PRH1: variants seen among roughly 807,000 people sequenced by gnomAD.
PRH1 encodes proline rich protein HaeIII subfamily 1.
In PRH1, 7 loss-of-function variants were observed where a neutral mutation model predicts 7.9. That is an observed-to-expected ratio of 0.89 (90% CI 0.50 to 1.67). The LOEUF is 1.67. Ranked by LOEUF, PRH1 falls within the 40% of genes most tolerant of loss-of-function variation. PRH1 has a pLI of 0.00. For missense variants in PRH1, 109 were observed against 223.6 expected, an observed-to-expected ratio of 0.49 and a Z score of 3.27; for synonymous variants, 45 against 80.8, an observed-to-expected ratio of 0.56 and a Z score of 2.38.
chr12:10,919,939 C>G (rs1299247282), intron 2 of PRH1, among the ~76,000 whole-genome samples: 1 of 141,644 alleles, frequency 7.1e-6, no homozygotes. Flanking sequence ...GAGTCTTGCT[C>G]TGTAGCCCAG....
intron 1 of PRH1, among the ~76,000 whole-genome samples, chr12:11,072,637 T>C (rs1944126144): frequency 6.6e-6 from 1 of 152,228 alleles, no homozygotes; most frequent in African/African-American, 2.4e-5. Context: ...CTAAATGGCC[T>C]CTACCAAAAT....
intron 1 of PRH1, among the ~76,000 whole-genome samples, chr12:11,039,591 C>T (rs1942615938): frequency 6.6e-6 from 1 of 152,220 alleles, no homozygotes; most frequent in African/African-American, 2.4e-5. Context: ...ACAGATGACA[C>T]ATTGGTTTTA....
chr12:11,059,683 A>T (rs1026300770), intron 1 of PRH1, among the ~76,000 whole-genome samples: 1 of 128,998 alleles, frequency 7.8e-6, no homozygotes, highest in Admixed American at 7.9e-5. Context: ...AGACTATATT[A>T]TTGTCATATT....
intron 2 of PRH1, chr12:10,937,976 A>G (rs139848203): frequency 3.3e-6 from 1 of 301,116 alleles, no homozygotes; most frequent in African/African-American, 2.2e-5. Context: ...TTTATACATT[A>G]TAGGTTTTCT....
chr12:11,134,254 G>C, intron 1 of PRH1: 2 of 1,596,628 alleles, frequency 1.3e-6, no homozygotes, highest in South Asian at 1.1e-5. Context: ...TGTCTGAACA[G>C]ACAAAAAGAA....
At chr12:11,047,160 T>C (rs370736223) in exon 1 of PRH1, 1 of 420,752 alleles carries the variant, frequency 2.4e-6, no homozygotes, top group South Asian at 1.7e-5. Context: ...ACATGTGCCC[T>C]TGGGGCCTTG....
chr12:10,936,664 A>G (rs959455825), intron 2 of PRH1, among the ~76,000 whole-genome samples: 2 of 152,198 alleles, frequency 1.3e-5, no homozygotes, highest in African/African-American at 4.8e-5. Flanking sequence ...CTAGAATGGT[A>G]TATAAATGGA....
chr12:10,930,956 G>A (rs768140736), intron 2 of PRH1: 3 of 1,602,198 alleles, frequency 1.9e-6, no homozygotes, highest in Non-Finnish European at 2.6e-6. Context: ...CCCCAACAGG[G>A]AGGCCATCAG....
intron 2 of PRH1, among the ~76,000 whole-genome samples, chr12:10,907,169 T>C (rs143290682): frequency 6.6e-6 from 1 of 152,144 alleles, no homozygotes; most frequent in Non-Finnish European, 1.5e-5. Flanking sequence ...GTGCAACCAC[T>C]CTATAGAACT....
At chr12:10,919,674 G>GTT (rs138424224) in intron 2 of PRH1, among the ~76,000 whole-genome samples, 2 of 147,972 alleles carry the variant, frequency 1.4e-5, no homozygotes, top group Non-Finnish European at 1.5e-5. Context: ...AACAGTCTAC[G>GTT]TTTTTTTTTT....
chr12:10,950,855 A>G (rs1216528488), intron 2 of PRH1, among the ~76,000 whole-genome samples: 1 of 151,682 alleles, frequency 6.6e-6, no homozygotes, highest in Non-Finnish European at 1.5e-5. Flanking sequence ...CTAGTTTGGA[A>G]AAAAAAAAGA....
chr12:11,073,833 G>A (rs1461262144), intron 1 of PRH1, among the ~76,000 whole-genome samples: 1 of 152,166 alleles, frequency 6.6e-6, no homozygotes, highest in Non-Finnish European at 1.5e-5. Context: ...TAGGAGAGGA[G>A]AAAGCAAACC....
At chr12:10,914,629 A>T (rs1042997072) in intron 2 of PRH1, among the ~76,000 whole-genome samples, 1 of 152,160 alleles carries the variant, frequency 6.6e-6, no homozygotes, top group African/African-American at 2.4e-5. Context: ...TTACATTAAG[A>T]ACTCTCCCCT....
intron 1 of PRH1, among the ~76,000 whole-genome samples, chr12:11,017,522 T>C (rs1415009791): frequency 6.6e-6 from 1 of 152,178 alleles, no homozygotes; most frequent in East Asian, 1.9e-4. Context: ...TCTCGCTCTG[T>C]TGCCCAGGCC....
intron 2 of PRH1, among the ~76,000 whole-genome samples, chr12:10,949,126 T>C (rs1167938240): frequency 6.6e-6 from 1 of 152,162 alleles, no homozygotes; most frequent in Non-Finnish European, 1.5e-5. Flanking sequence ...GTGTTTATAT[T>C]CCTTTCCCAG....
chr12:10,945,522 A>G (rs983095071), intron 2 of PRH1, among the ~76,000 whole-genome samples: 1 of 152,170 alleles, frequency 6.6e-6, no homozygotes, highest in Non-Finnish European at 1.5e-5. Flanking sequence ...TGTGGGTCAC[A>G]GAGATCACAT....
At chr12:11,059,776 A>G in intron 1 of PRH1, among the ~76,000 whole-genome samples, 1 of 151,940 alleles carries the variant, frequency 6.6e-6, no homozygotes, top group Admixed American at 6.6e-5. Flanking sequence ...ACCTGAGAAC[A>G]GAACAGGGGA....
upstream of PRH1, among the ~76,000 whole-genome samples, chr12:10,888,524 C>A (rs548919761): frequency 2.0e-5 from 3 of 152,156 alleles, no homozygotes; most frequent in Non-Finnish European, 2.9e-5. Flanking sequence ...TATGCAAAAG[C>A]GTAAATCACA....
chr12:11,065,299 G>A (rs573528341), intron 1 of PRH1, among the ~76,000 whole-genome samples: 1 of 151,920 alleles, frequency 6.6e-6, no homozygotes, highest in South Asian at 2.1e-4. Flanking sequence ...TATTAATTTG[G>A]TTTTAGTTAT....
Sources: allele counts gnomAD v4.1 joint callset (sites outside exome capture counted in the v4.1 genomes callset), GRCh38; gene constraint gnomAD v4.1.1; transcripts MANE v1.5; gene names NCBI Gene and HGNC (gene_info 2026-07-23, HGNC 2026-07-21).